The following GLIS1 variants were observed in gnomAD, a reference collection of about 807,000 sequenced individuals.
GLIS1 encodes GLIS family zinc finger 1.
GLIS1 carries 24 observed loss-of-function variants against 63.8 expected under a neutral mutation model. The ratio of observed to expected loss-of-function variants is 0.38; its 90% CI spans 0.27 to 0.53. GLIS1 has a LOEUF of 0.53. GLIS1 is among the 20% of genes least tolerant of loss of function. The pLI, the probability that GLIS1 is intolerant of heterozygous loss-of-function variation, is 0.85. For synonymous variants in GLIS1, 450 were observed against 482.5 expected (o/e 0.93, Z 0.88); for missense variants, 1,036 against 1,074.1 (o/e 0.96, Z 0.50).
At chr1:53,541,768 C>T (rs1334862424) in intron 4 of GLIS1, among the ~76,000 whole-genome samples, 2 of 152,260 alleles carry the variant, frequency 1.3e-5, no homozygotes, top group African/African-American at 4.8e-5. Context: ...CCTGGCATCA[C>T]AGCAGCCCTG....
intron 2 of GLIS1, among the ~76,000 whole-genome samples, chr1:53,613,901 A>G (rs1645451235): frequency 6.6e-6 from 1 of 152,368 alleles, no homozygotes; most frequent in South Asian, 2.1e-4. Context: ...CATGTTTTAT[A>G]TGAATTTGCC....
intron 4 of GLIS1, among the ~76,000 whole-genome samples, chr1:53,540,164 G>A (rs145854842): frequency 3.3e-5 from 5 of 152,248 alleles, no homozygotes; most frequent in African/African-American, 1.2e-4. Flanking sequence ...GGGAGGGAGA[G>A]AGGCAGACAT....
intron 4 of GLIS1, among the ~76,000 whole-genome samples, chr1:53,567,988 C>G (rs570090676): frequency 2.0e-5 from 3 of 152,348 alleles, no homozygotes; most frequent in South Asian, 4.1e-4. Flanking sequence ...CAGAGCCCCC[C>G]TTGGGCCTAT....
Position 53,693,144 on chromosome 1 carries a change from C to T in GLIS1, c.259+44662G>A, listed in dbSNP as rs183650157. On this transcript the variant is annotated intron_variant, in intron 2 of 10. Transcript: ENST00000628545. ...TGCAGACAAGGAAATCATCGTGGCT[C>T]CATATGTTACACGCACTGTTTCATA... Among the ~76,000 whole-genome samples the T allele has an allele frequency of 1.1e-3, 175 of 152,308 alleles. 1 individual carries two copies. Among genetic ancestry groups the T allele is most frequent in the African/African-American group, 3.9e-3 (162 of 41,564 alleles).
At chr1:53,633,548 G>A (rs1390839600) in intron 2 of GLIS1, among the ~76,000 whole-genome samples, 1 of 151,922 alleles carries the variant, frequency 6.6e-6, no homozygotes, top group Non-Finnish European at 1.5e-5. Context: ...TGTGACGGGG[G>A]ACCACAGAGG....
intron 3 of GLIS1, among the ~76,000 whole-genome samples, chr1:53,597,517 C>T (rs1645271124): frequency 1.3e-5 from 2 of 151,986 alleles, no homozygotes; most frequent in East Asian, 1.9e-4. Flanking sequence ...CTCAGGAAAC[C>T]GAGGCTTTTA....
At chr1:53,627,611 A>G (rs1190867794) in intron 2 of GLIS1, among the ~76,000 whole-genome samples, 1 of 152,276 alleles carries the variant, frequency 6.6e-6, no homozygotes, top group Non-Finnish European at 1.5e-5. Context: ...CTTTGAAGCC[A>G]TAAATCATGC....
In GLIS1 at chr1:53,506,751, T is replaced by C. The variant is rs1569701371; in HGVS notation, c.2256A>G (p.Ser752=). Reference sequence around the variant, plus strand: ...GCTGCTGTGGCAGCGCTGTGGGGCATGAGGCCTCAGCCAGGGCCTCATAGC... The same window carrying C: ...GCTGCTGTGGCAGCGCTGTGGGGCACGAGGCCTCAGCCAGGGCCTCATAGC... ...ATGYEALAEA[S]CPTALPQQPS... The change falls in exon 11 of 11, where the codon TCA becomes TCG. Residue 752 remains serine (S), a synonymous_variant. Transcript: ENST00000628545. 3 of 1,611,986 alleles carry C rather than the reference T, an allele frequency of 1.9e-6. No homozygotes were observed. In the South Asian group the frequency reaches 3.3e-5, roughly 18 times the overall value.
chr1:53,575,822 C>A (rs1470082946), intron 4 of GLIS1, among the ~76,000 whole-genome samples: 1 of 152,140 alleles, frequency 6.6e-6, no homozygotes, highest in African/African-American at 2.4e-5. Flanking sequence ...TTCTGTAATG[C>A]CCTCTGATTA....
At chr1:53,553,216 G>C (rs1644779742) in intron 4 of GLIS1, among the ~76,000 whole-genome samples, 1 of 152,140 alleles carries the variant, frequency 6.6e-6, no homozygotes, top group Non-Finnish European at 1.5e-5. Flanking sequence ...CTCGGGGCTG[G>C]AGAAGTTTGT....
rs1328414527 is a variant in GLIS1 at position 53,526,612 on chromosome 1, C to A, written c.1483-1725G>T. ...TACACACCCACGCACGGCACACACA[C>A]GTGCGTTCACATGTGCCCAGGCACA... On this transcript the variant is annotated intron_variant, in intron 5 of 10. Transcript: ENST00000628545. This position sits in a 1 kb window ranked among gnomAD's most constrained non-coding sequence, Gnocchi z 4.4. Among the ~76,000 whole-genome samples the A allele has an allele frequency of 6.6e-6, 1 of 152,202 alleles. No homozygotes were observed. Among genetic ancestry groups the A allele is most frequent in the African/African-American group, 2.4e-5 (1 of 41,458 alleles).
chr1:53,663,701 T>C (rs1483578767), intron 2 of GLIS1, among the ~76,000 whole-genome samples: 2 of 152,120 alleles, frequency 1.3e-5, no homozygotes, highest in East Asian at 3.9e-4. Context: ...GCTGGCCAAC[T>C]CTGGCACTTC....
rs185660711 is a variant in GLIS1, at chr1:53,641,827, A to C, written c.260-41549T>G. Reference sequence around the variant, plus strand: ...TCTGTCCATCTGTGCTGCAAAAGCAAGGGAGTTCAAGATCACTGGGTGCTC... The same window carrying C: ...TCTGTCCATCTGTGCTGCAAAAGCACGGGAGTTCAAGATCACTGGGTGCTC... On this transcript the variant is annotated intron_variant, in intron 2 of 10. Transcript: ENST00000628545. Among the ~76,000 whole-genome samples, 397 of 152,338 alleles carry C rather than the reference A, an allele frequency of 2.6e-3. 1 individual carries two copies. The highest frequency in any genetic ancestry group is 3.7e-3 in the Non-Finnish European group (251 of 68,018).
chr1:53,718,825 T>C (rs1025384145), intron 2 of GLIS1, among the ~76,000 whole-genome samples: 2 of 152,168 alleles, frequency 1.3e-5, no homozygotes, highest in African/African-American at 2.4e-5. Flanking sequence ...GTAATTAAAA[T>C]GTCCTGTCCA....
rs1371905540 is a variant in GLIS1, at chr1:53,539,146, AACGTGG to A, written c.1321-9200_1321-9195del. ...CCAAGCCACCAGCCACAGGCCCAGA[AACGTGG>A]ACACTCACACACTCTGATGTGAACA... On this transcript the variant is annotated intron_variant, in intron 4 of 10. Transcript: ENST00000628545. The surrounding 1 kb of genome is among the most constrained non-coding windows in gnomAD (Gnocchi z 5.0). 6.6e-6 allele frequency among the ~76,000 whole-genome samples: 1 copy of A among 151,838 alleles called. No individual in the cohort carries two copies. Among genetic ancestry groups the A allele is most frequent in the African/African-American group, 2.4e-5 (1 of 41,248 alleles).
intron 2 of GLIS1, among the ~76,000 whole-genome samples, chr1:53,677,147 G>A (rs1019421206): frequency 1.2e-4 from 19 of 152,234 alleles, no homozygotes; most frequent in African/African-American, 3.9e-4. Context: ...CGCACATTAG[G>A]GGTATAATGA....
In GLIS1 at chr1:53,509,438, T is replaced by A. The variant is rs1569710356; in HGVS notation, c.2063-151A>T. ...AGAGGAGGGCCCAGGGCAGAGGAGG[T>A]GCAGGAGGCTGGGGCCCCATTCTCA... is the stretch of plus-strand genomic sequence containing the variant. On this transcript the variant is annotated intron_variant, in intron 9 of 10. Coordinates refer to ENST00000628545, the MANE Select transcript of GLIS1 (RefSeq NM_001367484.1). 9.0e-6 allele frequency: 8 copies of A among 886,434 alleles called. No individual in the cohort carries two copies. The East Asian group carries it at 2.0e-4, about 22-fold the overall frequency. 54.9% of individuals were successfully genotyped at this position (886,434 alleles called of 1,614,324 possible). A position where few individuals can be genotyped will look rare whatever the true frequency, so the allele number is the denominator to read the frequency against.
intron 4 of GLIS1, among the ~76,000 whole-genome samples, chr1:53,576,274 G>T (rs955275181): frequency 3.9e-5 from 6 of 152,074 alleles, no homozygotes; most frequent in African/African-American, 1.4e-4. Flanking sequence ...CCCCCTCCCA[G>T]ATCCACACAT....
At chr1:53,591,823 GCCAGA>G (rs1188905286) in intron 4 of GLIS1, among the ~76,000 whole-genome samples, 1 of 152,222 alleles carries the variant, frequency 6.6e-6, no homozygotes, top group Non-Finnish European at 1.5e-5. Flanking sequence ...TGGAAGGCCA[GCCAGA>G]CCCCACCCAA....
Sources: gnomAD v4.1 joint callset for allele counts (sites outside exome capture counted in the v4.1 genomes callset) on GRCh38, gnomAD v4.1.1 for gene constraint, Gnocchi (gnomAD v3.1) non-coding constraint, MANE v1.5 for transcripts, NCBI Gene and HGNC (gene_info 2026-07-23, HGNC 2026-07-21) for gene names.